GPC5: variants seen among roughly 807,000 people sequenced by gnomAD.
The protein encoded by GPC5 is glypican-5.
Under a neutral mutation model 53.9 loss-of-function variants are expected in GPC5, and 47 were observed. The observed-to-expected ratio is 0.87, with a 90% CI of 0.69 to 1.11. The LOEUF (loss-of-function observed/expected upper bound fraction) is 1.11. Among genes scored for constraint, GPC5 ranks in the 50% most tolerant of loss-of-function variants. GPC5 has a pLI of 0.00. For missense variants in GPC5, 748 were observed against 713.1 expected (o/e 1.05, Z -0.56); for synonymous variants, 286 against 263.3 (o/e 1.09, Z -0.84).
At chr13:91,814,262 T>A (rs1439163072) in intron 5 of GPC5, among the ~76,000 whole-genome samples, 2 of 152,112 alleles carry the variant, frequency 1.3e-5, no homozygotes, top group East Asian at 3.9e-4. Context: ...CTTTCAGGGA[T>A]AACTTATGTA....
intron 2 of GPC5, among the ~76,000 whole-genome samples, chr13:91,530,197 AT>A (rs1886276981): frequency 6.6e-6 from 1 of 152,234 alleles, no homozygotes; most frequent in Admixed American, 6.5e-5. Flanking sequence ...GTGACAGATC[AT>A]CATTACTCTT....
At chr13:92,542,545 G>A (rs1461604670) in intron 7 of GPC5, among the ~76,000 whole-genome samples, 2 of 151,864 alleles carry the variant, frequency 1.3e-5, no homozygotes, top group Non-Finnish European at 2.9e-5. Context: ...TGATTACTTT[G>A]TTTTTCTCGT....
rs1253107305 is a variant in GPC5, at chr13:92,527,233, GAAAGAAAGAAAGAAAGAGAAAGAA to G, written c.1562-339047_1562-339024del. ...AGAAAGAAAGAAAGAAAGAAAGAAA[GAAAGAAAGAAAGAAAGAGAAAGAA>G]AGAAAGAAAGAAAGAAAGAAAGAAA... On this transcript the variant is annotated intron_variant, in intron 7 of 7. Coordinates refer to ENST00000377067, the MANE Select transcript of GPC5 (RefSeq NM_004466.6). Among the ~76,000 whole-genome samples the G allele has an allele frequency of 2.5e-3, 94 of 37,528 alleles. 6 individuals are homozygous for G. The highest frequency in any genetic ancestry group is 9.4e-3 in the East Asian group (6 of 640). 24.6% of individuals were successfully genotyped at this position (37,528 alleles called of 152,430 possible).
chr13:92,229,709 T>C (rs906395700), intron 7 of GPC5, among the ~76,000 whole-genome samples: 1 of 152,076 alleles, frequency 6.6e-6, no homozygotes, highest in Non-Finnish European at 1.5e-5. Context: ...TATTATAATT[T>C]GGGGGCTTCC....
At chr13:91,570,415 T>C (rs986773477) in intron 2 of GPC5, among the ~76,000 whole-genome samples, 1 of 152,192 alleles carries the variant, frequency 6.6e-6, no homozygotes, top group Admixed American at 6.6e-5. Flanking sequence ...GCTCAACTGG[T>C]ATATCTGAAA....
At chr13:91,447,329 C>CTT (rs777903840) in intron 1 of GPC5, among the ~76,000 whole-genome samples, 3 of 137,492 alleles carry the variant, frequency 2.2e-5, no homozygotes, top group East Asian at 2.1e-4. Context: ...GAGAAGATAG[C>CTT]TTTTTTTTTT....
chr13:91,974,554 A>G (rs964093787), intron 6 of GPC5, among the ~76,000 whole-genome samples: 1 of 152,080 alleles, frequency 6.6e-6, no homozygotes, highest in Non-Finnish European at 1.5e-5. Flanking sequence ...TAGGAATCCA[A>G]CTTACAAGGG....
intron 5 of GPC5, among the ~76,000 whole-genome samples, chr13:91,877,402 A>G (rs1455529456): frequency 6.6e-6 from 1 of 152,198 alleles, no homozygotes; most frequent in Non-Finnish European, 1.5e-5. Flanking sequence ...GCTGCCCAAG[A>G]GCATGGGAAC....
intron 6 of GPC5, among the ~76,000 whole-genome samples, chr13:91,975,022 G>A (rs982560821): frequency 2.0e-5 from 3 of 152,146 alleles, no homozygotes; most frequent in African/African-American, 7.2e-5. Flanking sequence ...AATGGGGAAA[G>A]GATTCCCTAT....
At chr13:92,551,347 A>G (rs930613851) in intron 7 of GPC5, among the ~76,000 whole-genome samples, 80 of 151,920 alleles carry the variant, frequency 5.3e-4, no homozygotes, top group African/African-American at 1.9e-3. Flanking sequence ...TGAGATATCA[A>G]AAGTCTCCTT....
intron 2 of GPC5, among the ~76,000 whole-genome samples, chr13:91,527,046 C>T (rs999791637): frequency 7.9e-5 from 12 of 152,164 alleles, no homozygotes; most frequent in Non-Finnish European, 1.3e-4. Flanking sequence ...CAGAACCAAA[C>T]CATATCATTC....
intron 7 of GPC5, among the ~76,000 whole-genome samples, chr13:92,620,506 A>G (rs1884837052): frequency 6.6e-6 from 1 of 152,220 alleles, no homozygotes; most frequent in Non-Finnish European, 1.5e-5. Flanking sequence ...TGATGCTCAT[A>G]TAGAAGTAAT....
chr13:91,492,174 G>A (rs1445850124), intron 2 of GPC5, among the ~76,000 whole-genome samples: 1 of 152,058 alleles, frequency 6.6e-6, no homozygotes, highest in African/African-American at 2.4e-5. Context: ...CTGGCTCACT[G>A]CCAATTCCAA....
intron 7 of GPC5, among the ~76,000 whole-genome samples, chr13:92,259,168 T>C (rs1016729166): frequency 3.3e-5 from 5 of 152,192 alleles, no homozygotes; most frequent in African/African-American, 1.2e-4. Context: ...TGCTCCCTTT[T>C]CTGCTGTTGG....
At chr13:92,053,659 A>C (rs1054212794) in intron 6 of GPC5, among the ~76,000 whole-genome samples, 1 of 152,126 alleles carries the variant, frequency 6.6e-6, no homozygotes. Context: ...TACAAAATAC[A>C]TTGCTATACG....
chr13:91,978,090 G>T (rs1478204783), intron 6 of GPC5, among the ~76,000 whole-genome samples: 3 of 152,154 alleles, frequency 2.0e-5, no homozygotes, highest in Non-Finnish European at 4.4e-5. Flanking sequence ...AGGAGGTCGA[G>T]GCTGCAGTAA....
intron 5 of GPC5, among the ~76,000 whole-genome samples, chr13:91,882,670 G>GTTTTTTTTTTTTTTTTTTTTTGGT: frequency 3.4e-5 from 2 of 59,320 alleles, no homozygotes; most frequent in African/African-American, 7.1e-5. Context: ...TGTTTTTTGG[G>GTTTTTTTTTTTTTTTTTTTTTGGT]TTTTTTTTTT....
rs556713648 is a variant in GPC5, at chr13:92,865,489, G to T, written c.1562-793G>T. On this transcript the variant is annotated intron_variant, in intron 7 of 7. Coordinates refer to ENST00000377067, the MANE Select transcript of GPC5 (RefSeq NM_004466.6). Reference sequence around the variant, plus strand: ...AAAAGGGGAAAGTAAAAGGGTGGCTGCCAGGGGATGGATGTGGGGAAGGGA... The same window carrying T: ...AAAAGGGGAAAGTAAAAGGGTGGCTTCCAGGGGATGGATGTGGGGAAGGGA... Among the ~76,000 whole-genome samples the T allele has an allele frequency of 5.9e-5, 9 of 152,318 alleles. No individual in the cohort carries two copies. In the East Asian group the frequency reaches 1.7e-3, roughly 29 times the overall value.
chr13:91,706,644 G>A (rs2036112153), intron 3 of GPC5, among the ~76,000 whole-genome samples: 1 of 151,880 alleles, frequency 6.6e-6, no homozygotes, highest in South Asian at 2.1e-4. Flanking sequence ...CTTTTTTGTT[G>A]GGAAGTGTTA....
Sources: gnomAD v4.1 joint callset for allele counts (sites outside exome capture counted in the v4.1 genomes callset) on GRCh38, gnomAD v4.1.1 for gene constraint, MANE v1.5 for transcripts, NCBI Gene and HGNC (gene_info 2026-07-23, HGNC 2026-07-21) for gene names.